ARMCX4: variants seen among roughly 807,000 people sequenced by gnomAD.
ARMCX4 encodes the protein armadillo repeat-containing X-linked protein 4.
A neutral mutation model predicts 34.7 loss-of-function variants in ARMCX4; 3 were observed. That is an observed-to-expected ratio of 0.09 (90% CI 0.04 to 0.22). The LOEUF (loss-of-function observed/expected upper bound fraction) is 0.22, where lower values mean the gene tolerates loss of function less well. Ranked by LOEUF, ARMCX4 falls within the 10% of genes least tolerant of loss-of-function variation. The probability of loss-of-function intolerance (pLI) is 1.00; values close to 1 mark genes in which losing one functional copy is unlikely to be tolerated. For synonymous variants in ARMCX4, 513 were observed against 632.8 expected, an observed-to-expected ratio of 0.81 and a Z score of 2.84; for missense variants, 1,448 against 1,720.8, an observed-to-expected ratio of 0.84 and a Z score of 2.81.
chrX:101,468,114 G>A (rs782390680), intron 4 of ARMCX4, among the ~76,000 whole-genome samples: 2 of 109,694 alleles, frequency 1.8e-5, no homozygotes, highest in Non-Finnish European at 3.8e-5. Context: ...TATGGTAAAT[G>A]TTGCATTTCA....
rs1310331233 is a variant in ARMCX4, at chrX:101,472,431, C to T, written c.-472-13592C>T. On this transcript the variant is annotated intron_variant and NMD_transcript_variant, in intron 4 of 15. Transcript: ENST00000433011. Reference sequence around the variant, plus strand: ...TCCCCAATCTAGCAAGGCAGGCCAACATTCAGATTCAGGAAATACAGAGAA... The same window carrying T: ...TCCCCAATCTAGCAAGGCAGGCCAATATTCAGATTCAGGAAATACAGAGAA... Among the ~76,000 whole-genome samples the T allele has an allele frequency of 7.4e-5, 6 of 81,595 alleles. 1 individual carries two copies. The highest frequency in any genetic ancestry group is 3.0e-4 in the African/African-American group (6 of 20,333). 70.9% of individuals were successfully genotyped at this position (81,595 alleles called of 115,157 possible).
intron 10 of ARMCX4, among the ~76,000 whole-genome samples, chrX:101,510,055 T>G (rs17257762): frequency 0.02 from 2,200 of 111,870 alleles, 26 homozygotes; most frequent in South Asian, 0.048. Flanking sequence ...TCAGTTCCCC[T>G]TTTCCGAAAA....
intron 2 of ARMCX4, chrX:101,443,772 C>T: frequency 3.2e-6 from 1 of 314,685 alleles, no homozygotes; most frequent in Non-Finnish European, 6.0e-6. Context: ...ATATTCATGC[C>T]CTGTTTCCCC....
In ARMCX4 at chrX:101,485,516, G is replaced by T. The variant is rs1933659014; in HGVS notation, c.-451G>T. ...GCTCGGCGGGCTGGCATCGGGCCCG[G>T]GGAAAGCGGAGCAGGTAAGGGCCCT... On this transcript the variant is annotated 5_prime_UTR_variant, in exon 1 of 6. Transcript: ENST00000423738. 9 of 642,927 alleles carry T rather than the reference G, an allele frequency of 1.4e-5. No individual in the cohort carries two copies. The South Asian group carries it at 7.3e-4, about 52-fold the overall frequency. 53.0% of individuals were successfully genotyped at this position (642,927 alleles called of 1,213,427 possible).
At chrX:101,433,346 G>C (rs1324111874) in intron 2 of ARMCX4, among the ~76,000 whole-genome samples, 3 of 107,450 alleles carry the variant, frequency 2.8e-5, no homozygotes, top group African/African-American at 6.8e-5. Context: ...GTACATATAT[G>C]TACATATATA....
At chrX:101,504,179 G>C (rs1416851963) in intron 7 of ARMCX4, among the ~76,000 whole-genome samples, 1 of 111,434 alleles carries the variant, frequency 9.0e-6, no homozygotes, top group East Asian at 2.8e-4. Flanking sequence ...ATGCTGTTTT[G>C]GTTACTGTAG....
At chrX:101,481,498 A>G (rs1933448643), upstream of ARMCX4, among the ~76,000 whole-genome samples, 2 of 111,996 alleles carry the variant, frequency 1.8e-5, no homozygotes, top group Non-Finnish European at 3.8e-5. Flanking sequence ...TTTTCAACCT[A>G]TAAGTTTATT....
chrX:101,489,292 A>G lies in ARMCX4; in HGVS notation c.703A>G (p.Lys235Glu). 8.6e-7 allele frequency: 1 copy of G among 1,156,132 alleles called. No individual in the cohort carries two copies. Among genetic ancestry groups the G allele is most frequent in the Non-Finnish European group, 1.1e-6 (1 of 873,004 alleles). Residue 235 changes from lysine (K) to glutamate (E), a missense_variant, in exon 6 of 6, where the codon AAG becomes GAG. Coordinates refer to ENST00000423738, the MANE Select transcript of ARMCX4 (RefSeq NM_001256155.3). Reference sequence around the variant, plus strand: ...CAAGACTGGAATTGTGGATGAAACCAAGACAAGAGCTCTGGAAGAGACTGT... The same window carrying G: ...CAAGACTGGAATTGTGGATGAAACCGAGACAAGAGCTCTGGAAGAGACTGT... ...TNKTGIVDET[K>E]TRALEETVSV...
At chrX:101,478,694 C>T (rs1197748758) in intron 4 of ARMCX4, among the ~76,000 whole-genome samples, 2 of 111,134 alleles carry the variant, frequency 1.8e-5, no homozygotes, top group African/African-American at 6.5e-5. Flanking sequence ...GTACTTTAAG[C>T]TATAGAACAA....
intron 11 of ARMCX4, among the ~76,000 whole-genome samples, chrX:101,529,993 A>G (rs1556021717): frequency 1.8e-5 from 2 of 111,893 alleles, no homozygotes; most frequent in African/African-American, 6.5e-5. Flanking sequence ...GGTATATACC[A>G]AAAGGATTAT....
downstream of ARMCX4, among the ~76,000 whole-genome samples, chrX:101,497,952 G>A (rs1934217014): frequency 9.0e-6 from 1 of 111,438 alleles, no homozygotes; most frequent in Non-Finnish European, 1.9e-5. Context: ...AGTGCGGCAA[G>A]TAGACAGTCC....
intron 4 of ARMCX4, among the ~76,000 whole-genome samples, chrX:101,456,650 TAAC>T (rs1932300613): frequency 8.9e-6 from 1 of 111,927 alleles, no homozygotes; most frequent in Non-Finnish European, 1.9e-5. Flanking sequence ...TATAAACTCA[TAAC>T]TAATCTCATT....
At chrX:101,474,788 T>G in intron 4 of ARMCX4, among the ~76,000 whole-genome samples, 2 of 88,669 alleles carry the variant, frequency 2.3e-5, no homozygotes, top group African/African-American at 4.2e-5. Flanking sequence ...CTCAATAAAT[T>G]AGGTATTGAT....
downstream of ARMCX4, among the ~76,000 whole-genome samples, chrX:101,451,347 C>A (rs1555999032): frequency 9.0e-6 from 1 of 111,379 alleles, no homozygotes; most frequent in East Asian, 2.8e-4. Flanking sequence ...TATAACGGGG[C>A]ATCACTGAGT....
chrX:101,432,501 A>C (rs1393637960), intron 2 of ARMCX4, among the ~76,000 whole-genome samples: 1 of 109,975 alleles, frequency 9.1e-6, no homozygotes, highest in African/African-American at 3.3e-5. Context: ...TCTCTACTGG[A>C]AATACAGAAA....
downstream of ARMCX4, chrX:101,498,242 A>G: frequency 3.1e-6 from 1 of 320,742 alleles, no homozygotes; most frequent in Non-Finnish European, 6.0e-6. Context: ...AGTTGGTACA[A>G]GAAGTGGTTC....
Position 101,493,670 on chromosome X carries a change from T to C in ARMCX4, c.5081T>C (p.Ile1694Thr), listed in dbSNP as rs1556010469. 7 of 1,148,683 alleles carry C rather than the reference T, an allele frequency of 6.1e-6. No individual in the cohort carries two copies. The South Asian group carries it at 7.7e-5, about 13-fold the overall frequency. 94.7% of individuals were successfully genotyped at this position (1,148,683 alleles called of 1,213,427 possible). ...GGATCTAGGCCTGGGAATGAGGCCATTGGAGGATCTAGGATGGGATCTGAG... is the reference window on the plus strand; with the variant it reads ...GGATCTAGGCCTGGGAATGAGGCCACTGGAGGATCTAGGATGGGATCTGAG... ...WAGSRPGNEA[I>T]GGSRMGSEDQ... Residue 1694 changes from isoleucine (I) to threonine (T), a missense_variant, in exon 6 of 6, where the codon ATT becomes ACT. This residue lies in a region of ARMCX4 where 1,343 missense variants were observed against 1,540.7 expected (regional missense o/e 0.87). Transcript: ENST00000423738.
chrX:101,427,579 C>T lies in ARMCX4; in HGVS notation n.164+8579C>T, dbSNP rs370574469. Among the ~76,000 whole-genome samples the T allele has an allele frequency of 1.4e-3, 160 of 111,027 alleles. 1 individual carries two copies. The South Asian group carries it at 0.054, about 38-fold the overall frequency. ...TAGTTTTAGTAGAGATGGGGTTACA[C>T]CATGTTGGCCAGGCTGGTCTCGAAC... On this transcript the variant is annotated intron_variant and non_coding_transcript_variant, in intron 2 of 3. Coordinates refer to the ARMCX4 transcript ENST00000430461.
chrX:101,534,304 A>G (rs943194998), downstream of ARMCX4, among the ~76,000 whole-genome samples: 3 of 111,633 alleles, frequency 2.7e-5, no homozygotes, highest in Non-Finnish European at 5.7e-5. Context: ...GCCAATTATC[A>G]CTCAGTTAAC....
Sources: allele counts gnomAD v4.1 joint callset (sites outside exome capture counted in the v4.1 genomes callset), GRCh38; gene constraint gnomAD v4.1.1; regional missense constraint gnomAD v4.1.1; transcripts MANE v1.5; gene names NCBI Gene and HGNC (gene_info 2026-07-23, HGNC 2026-07-21).